Variants in PRDM15 observed in about 807,000 individuals in gnomAD.
PRDM15 encodes PR domain zinc finger protein 15.
Under a neutral mutation model 128.6 loss-of-function variants are expected in PRDM15, and 64 were observed. The observed-to-expected ratio is 0.50, with a 90% CI of 0.41 to 0.61. PRDM15 has a LOEUF of 0.61. Among genes scored for constraint, PRDM15 ranks in the 20% least tolerant of loss-of-function variants. PRDM15 has a pLI of 0.00. For synonymous variants in PRDM15, 615 were observed against 621.8 expected (o/e 0.99, Z 0.16); for missense variants, 1,242 against 1,569.1 (o/e 0.79, Z 3.52).
intron 5 of PRDM15, among the ~76,000 whole-genome samples, chr21:41,853,652 G>A (rs1174395464): frequency 6.6e-6 from 1 of 152,218 alleles, no homozygotes; most frequent in Non-Finnish European, 1.5e-5. Context: ...GCAAAGTGAT[G>A]CCCTGACCCC....
chr21:41,862,101 G>T lies in PRDM15; in HGVS notation c.-9-1729C>A. 1 of 885,456 alleles carries T rather than the reference G, an allele frequency of 1.1e-6. No individual in the cohort carries two copies. The highest frequency in any genetic ancestry group is 1.8e-6 in the Non-Finnish European group (1 of 542,364). The allele number at this position is 885,456 out of a possible 1,614,324, so 54.8% of individuals were successfully genotyped here. A position where few individuals can be genotyped will look rare whatever the true frequency, so the allele number is the denominator to read the frequency against. On this transcript the variant is annotated intron_variant, in intron 1 of 23. Coordinates refer to ENST00000398548, the MANE Select transcript of PRDM15 (RefSeq NM_001040424.3). The surrounding 1 kb of genome is among the most constrained non-coding windows in gnomAD (Gnocchi z 4.1). ...GAGATGAACAGGACAAAGGGCAGAA[G>T]AAACCCAGAGTGGGGTGGGGAGGGC...
At position 41,810,698 on chromosome 21, in the gene PRDM15, G is replaced by T; in HGVS notation, c.2476+55C>A. ...TTCCACCCCAGCAGGCACTCAGACA[G>T]CCCCGGCAGCCTGCCGCGTGCGCCC... On this transcript the variant is annotated intron_variant, in intron 20 of 23. Coordinates refer to ENST00000398548, the MANE Select transcript of PRDM15 (RefSeq NM_001040424.3). The surrounding 1 kb of genome is among the most constrained non-coding windows in gnomAD (Gnocchi z 6.4). 7.1e-7 allele frequency: 1 copy of T among 1,402,214 alleles called. No homozygotes were observed. The highest frequency in any genetic ancestry group is 1.0e-6 in the Non-Finnish European group (1 of 989,390). The allele number at this position is 1,402,214 out of a possible 1,614,324, so 86.9% of individuals were successfully genotyped here. A position where few individuals can be genotyped will look rare whatever the true frequency, so the allele number is the denominator to read the frequency against.
At chr21:41,805,572 C>G (rs2061535588) in intron 21 of PRDM15, among the ~76,000 whole-genome samples, 2 of 152,102 alleles carry the variant, frequency 1.3e-5, no homozygotes, top group Non-Finnish European at 2.9e-5. Context: ...TTTAAGTTAA[C>G]ATAAATCCTG....
intron 21 of PRDM15, among the ~76,000 whole-genome samples, chr21:41,805,496 C>T (rs566937108): frequency 9.2e-5 from 14 of 152,302 alleles, no homozygotes; most frequent in African/African-American, 3.4e-4. Context: ...ATTAAATTTA[C>T]ATTCCATGAC....
chr21:41,878,852 G>C, intron 1 of PRDM15: 1 of 987,036 alleles, frequency 1.0e-6, no homozygotes, highest in Non-Finnish European at 1.2e-6. Context: ...GGCCGGGGCG[G>C]CGAAGACCCT....
intron 1 of PRDM15, among the ~76,000 whole-genome samples, chr21:41,874,525 A>ATTTTTTTTTTT (rs61045274): frequency 2.0e-4 from 19 of 95,808 alleles, no homozygotes; most frequent in South Asian, 8.0e-4. Context: ...ATATATATAT[A>ATTTTTTTTTTT]TTTTTTTTTT....
intron 1 of PRDM15, among the ~76,000 whole-genome samples, chr21:41,876,685 G>T (rs574749110): frequency 6.6e-6 from 1 of 152,324 alleles, no homozygotes; most frequent in East Asian, 1.9e-4. Context: ...CTGAGGGAGA[G>T]TTTGAAGATG....
chr21:41,878,478 G>A (rs2064500535), intron 1 of PRDM15, among the ~76,000 whole-genome samples: 1 of 152,148 alleles, frequency 6.6e-6, no homozygotes, highest in Non-Finnish European at 1.5e-5. Flanking sequence ...TAACCCCTGC[G>A]TGAACACCTC....
chr21:41,874,523 A>ATTTTTT (rs879505958), intron 1 of PRDM15, among the ~76,000 whole-genome samples: 2,716 of 78,456 alleles, frequency 0.035, 66 homozygotes, highest in Non-Finnish European at 0.049. Context: ...ATATATATAT[A>ATTTTTT]TATTTTTTTT....
chr21:41,806,096 C>CTACCACCAT (rs2061581220), intron 21 of PRDM15, among the ~76,000 whole-genome samples: 1 of 67,552 alleles, frequency 1.5e-5, no homozygotes, highest in Non-Finnish European at 3.4e-5. Context: ...ACCACCATCA[C>CTACCACCAT]CACCACCATC....
intron 8 of PRDM15, 107 bp from the exon 9 acceptor site, chr21:41,836,756 G>T: frequency 1.1e-6 from 1 of 913,592 alleles, no homozygotes; most frequent in Non-Finnish European, 1.7e-6. Flanking sequence ...CTAATCCCGA[G>T]CCTGTATGCG....
intron 1 of PRDM15, among the ~76,000 whole-genome samples, chr21:41,868,640 A>C (rs2064099894): frequency 6.6e-6 from 1 of 150,884 alleles, no homozygotes; most frequent in Non-Finnish European, 1.5e-5. Flanking sequence ...ATATTAATAA[A>C]TCCTCTTCAG....
At chr21:41,874,516 TATATATA>T (rs1448719830) in intron 1 of PRDM15, among the ~76,000 whole-genome samples, 13 of 68,870 alleles carry the variant, frequency 1.9e-4, no homozygotes, top group African/African-American at 6.5e-4. Flanking sequence ...TATATATATA[TATATATA>T]TATTTTTTTT....
intron 13 of PRDM15, among the ~76,000 whole-genome samples, chr21:41,824,405 A>G (rs28526181): frequency 0.6 from 90,947 of 151,998 alleles, 27,439 homozygotes; most frequent in Admixed American, 0.66. Context: ...GGCTGAAGAC[A>G]ACTAATAACT....
At position 41,800,532 on chromosome 21, in the gene PRDM15, T is replaced by G. The variant is rs533473780; in HGVS notation, c.*708A>C. The stretch of plus-strand genomic sequence containing the variant: ...AAAAAAAAAAGGAAAAAAACTCTAT[T>G]GGAAATCGATTCATGGATATTACTA... On this transcript the variant is annotated 3_prime_UTR_variant, in exon 24 of 24. Transcript: ENST00000398548. The G allele has an allele frequency of 9.2e-5, 14 of 152,280 alleles. No homozygotes were observed. The highest frequency in any genetic ancestry group is 2.9e-4 in the African/African-American group (12 of 41,546). The allele number at this position is 152,280 out of a possible 1,614,324, so 9.4% of individuals were successfully genotyped here. A position where few individuals can be genotyped will look rare whatever the true frequency, so the allele number is the denominator to read the frequency against.
rs766040068 is a variant in PRDM15, at chr21:41,867,311, G to A, written c.-9-6939C>T. The A allele has an allele frequency of 1.1e-5, 17 of 1,612,890 alleles. 1 individual carries two copies. The highest frequency in any genetic ancestry group is 3.3e-5 in the South Asian group (3 of 90,930). ...ACTCTAGCCCTGACCTCCTCCGTTC[G>A]CAATCTTCCCCAGGGCTGGGGGCAG... On this transcript the variant is annotated intron_variant, in intron 1 of 23. Coordinates refer to ENST00000398548, the MANE Select transcript of PRDM15 (RefSeq NM_001040424.3).
chr21:41,818,356 T>C (rs2062125752), intron 18 of PRDM15, among the ~76,000 whole-genome samples: 1 of 152,260 alleles, frequency 6.6e-6, no homozygotes, highest in Non-Finnish European at 1.5e-5. Context: ...GCAGTGGCTC[T>C]GCGAGGACCG....
At chr21:41,825,860 A>G (rs2062450579) in intron 13 of PRDM15, 100 bp downstream of exon 13, 1 of 950,144 alleles carries the variant, frequency 1.1e-6, no homozygotes, top group Non-Finnish European at 1.7e-6. Flanking sequence ...TACCCCCCAA[A>G]TCTTCCCTGC....
At chr21:41,860,829 T>C (rs1473558975) in intron 1 of PRDM15, among the ~76,000 whole-genome samples, 1 of 152,238 alleles carries the variant, frequency 6.6e-6, no homozygotes, top group East Asian at 1.9e-4. Context: ...TCTCCTCTTA[T>C]TGTGGGATGG....
Sources: gnomAD v4.1 joint callset for allele counts (sites outside exome capture counted in the v4.1 genomes callset) on GRCh38, gnomAD v4.1.1 for gene constraint, Gnocchi (gnomAD v3.1) non-coding constraint, MANE v1.5 for transcripts, NCBI Gene and HGNC (gene_info 2026-07-23, HGNC 2026-07-21) for gene names.